GALNT13: variants seen among roughly 807,000 people sequenced by gnomAD.
GALNT13 encodes the protein polypeptide N-acetylgalactosaminyltransferase 13.
In GALNT13, 28 loss-of-function variants were observed where a neutral mutation model predicts 64.2. The observed-to-expected ratio is 0.44, with a 90% CI of 0.32 to 0.60. GALNT13 has a LOEUF of 0.60. Among genes scored for constraint, GALNT13 ranks in the 20% least tolerant of loss-of-function variants. GALNT13 has a pLI of 0.05. For synonymous variants in GALNT13, 214 were observed against 224.6 expected (o/e 0.95, Z 0.42); for missense variants, 577 against 669.8 (o/e 0.86, Z 1.53).
the GALNT13 span, among the ~76,000 whole-genome samples, chr2:153,082,212 A>G: frequency 6.6e-6 from 1 of 152,044 alleles, no homozygotes; most frequent in Admixed American, 6.6e-5. Flanking sequence ...GGTTACATGG[A>G]TAAGTTCTTT....
chr2:154,441,125 T>C (rs769914848), intron 12 of GALNT13, among the ~76,000 whole-genome samples: 35 of 152,234 alleles, frequency 2.3e-4, no homozygotes, highest in Non-Finnish European at 4.0e-4. Context: ...TATTTACATT[T>C]GAAAAGGACA....
At chr2:153,581,373 C>T in the GALNT13 span, among the ~76,000 whole-genome samples, 16 of 151,910 alleles carry the variant, frequency 1.1e-4, no homozygotes, top group East Asian at 1.9e-4. Flanking sequence ...TTTTTTCCCA[C>T]GGTTATTTTA....
chr2:154,043,424 A>ATG (rs1221390979), intron 3 of GALNT13, among the ~76,000 whole-genome samples: 2 of 42,522 alleles, frequency 4.7e-5, no homozygotes, highest in Non-Finnish European at 9.9e-5. Flanking sequence ...TTATATATAT[A>ATG]TATATATATA....
At chr2:154,441,363 C>A (rs541719055) in intron 12 of GALNT13, among the ~76,000 whole-genome samples, 182 of 152,228 alleles carry the variant, frequency 1.2e-3, no homozygotes, top group African/African-American at 4.2e-3. Flanking sequence ...TAAATGCGCA[C>A]TGCTTACTAC....
intron 8 of GALNT13, among the ~76,000 whole-genome samples, chr2:154,285,297 T>G (rs537621668): frequency 6.6e-6 from 1 of 152,290 alleles, no homozygotes; most frequent in African/African-American, 2.4e-5. Flanking sequence ...TTGCCCAGAC[T>G]AATATCATGG....
the GALNT13 span, among the ~76,000 whole-genome samples, chr2:153,437,471 G>A: frequency 6.6e-6 from 1 of 152,126 alleles, no homozygotes; most frequent in African/African-American, 2.4e-5. Flanking sequence ...AAGTCTCTTT[G>A]TAGGTCACTC....
chr2:154,243,043 C>T, intron 6 of GALNT13, 138 bp downstream of exon 6: 2 of 644,262 alleles, frequency 3.1e-6, no homozygotes, highest in Admixed American at 6.2e-5. Context: ...GCACGTTTTC[C>T]CACTTGCTTG....
At chr2:153,534,891 G>T in the GALNT13 span, among the ~76,000 whole-genome samples, 2 of 152,148 alleles carry the variant, frequency 1.3e-5, no homozygotes, top group South Asian at 4.1e-4. Flanking sequence ...GGCCATCTGG[G>T]TGTATACGTG....
the GALNT13 span, among the ~76,000 whole-genome samples, chr2:153,380,464 C>A: frequency 7.9e-5 from 12 of 151,838 alleles, no homozygotes; most frequent in African/African-American, 2.7e-4. Context: ...ACAGCAAGAT[C>A]CTCTCTCTAA....
At chr2:154,036,841 A>G (rs12052831) in intron 3 of GALNT13, among the ~76,000 whole-genome samples, 10,783 of 152,122 alleles carry the variant, frequency 0.071, 449 homozygotes, top group Middle Eastern at 0.13. Flanking sequence ...AGAGATATCG[A>G]TATCTTTGTT....
the GALNT13 span, among the ~76,000 whole-genome samples, chr2:153,641,209 A>C: frequency 6.6e-6 from 1 of 152,266 alleles, no homozygotes; most frequent in African/African-American, 2.4e-5. Context: ...CTGGGAAATG[A>C]AAGGTCTACT....
chr2:153,733,824 G>A, the GALNT13 span, among the ~76,000 whole-genome samples: 8 of 152,160 alleles, frequency 5.3e-5, no homozygotes, highest in Admixed American at 1.3e-4. Flanking sequence ...TTTGAATAAA[G>A]CAACAGTATG....
chr2:154,041,226 T>C (rs1698958303), intron 3 of GALNT13, among the ~76,000 whole-genome samples: 1 of 140,574 alleles, frequency 7.1e-6, no homozygotes, highest in African/African-American at 2.4e-5. Context: ...TGTTTTGTTA[T>C]AGAAATTACT....
At chr2:153,694,216 G>C in the GALNT13 span, among the ~76,000 whole-genome samples, 2 of 152,092 alleles carry the variant, frequency 1.3e-5, no homozygotes, top group African/African-American at 2.4e-5. Flanking sequence ...CTTTCCCTTC[G>C]GCCTAGCGAG....
the GALNT13 span, among the ~76,000 whole-genome samples, chr2:153,379,612 G>A: frequency 1.3e-5 from 2 of 152,144 alleles, no homozygotes; most frequent in Non-Finnish European, 2.9e-5. Flanking sequence ...AATGATGACA[G>A]GTCTACGAAG....
At chr2:154,292,640 A>C (rs759270597) in intron 8 of GALNT13, among the ~76,000 whole-genome samples, 6 of 152,242 alleles carry the variant, frequency 3.9e-5, no homozygotes, top group Non-Finnish European at 4.4e-5. Context: ...CAGGAGCTAT[A>C]GCCTCTACTC....
At chr2:153,154,182 C>A in the GALNT13 span, among the ~76,000 whole-genome samples, 5 of 152,034 alleles carry the variant, frequency 3.3e-5, no homozygotes, top group African/African-American at 1.2e-4. Flanking sequence ...TTCCCATGGA[C>A]CTGGTGGGAG....
chr2:153,087,995 T>C, the GALNT13 span, among the ~76,000 whole-genome samples: 1 of 152,248 alleles, frequency 6.6e-6, no homozygotes, highest in African/African-American at 2.4e-5. Flanking sequence ...TTATTTCTTT[T>C]TTTTTCTGCT....
the GALNT13 span, among the ~76,000 whole-genome samples, chr2:153,201,422 C>G: frequency 6.6e-6 from 1 of 152,202 alleles, no homozygotes; most frequent in Non-Finnish European, 1.5e-5. Context: ...CCTTCCCTCC[C>G]TGCCAAGCCT....
Sources: allele counts gnomAD v4.1 joint callset (sites outside exome capture counted in the v4.1 genomes callset), GRCh38; gene constraint gnomAD v4.1.1; transcripts MANE v1.5; gene names NCBI Gene and HGNC (gene_info 2026-07-23, HGNC 2026-07-21).